The following MSI2 variants were observed in gnomAD, a reference collection of about 807,000 sequenced individuals.
MSI2 encodes RNA-binding protein Musashi homolog 2.
In MSI2, 17 loss-of-function variants were observed where a neutral mutation model predicts 45.6. The observed-to-expected ratio is 0.37, with a 90% CI of 0.26 to 0.56. The LOEUF (loss-of-function observed/expected upper bound fraction) is 0.56. Ranked by LOEUF, MSI2 falls within the 20% of genes least tolerant of loss-of-function variation. The pLI is 0.77. For synonymous variants in MSI2, 156 were observed against 158.2 expected (o/e 0.99, Z 0.11); for missense variants, 293 against 444.2 (o/e 0.66, Z 3.06).
At chr17:57,417,091 C>A (rs904103897) in intron 6 of MSI2, among the ~76,000 whole-genome samples, 1 of 152,214 alleles carries the variant, frequency 6.6e-6, no homozygotes, top group Non-Finnish European at 1.5e-5. Context: ...TGGAGCTCCT[C>A]TCCCAGGCCT....
intron 6 of MSI2, among the ~76,000 whole-genome samples, chr17:57,503,699 T>C (rs2086164998): frequency 6.6e-6 from 1 of 152,222 alleles, no homozygotes; most frequent in Non-Finnish European, 1.5e-5. Flanking sequence ...TAAGATGTGG[T>C]TCCTGTTCAC....
chr17:57,350,746 G>A (rs886515215), intron 5 of MSI2, among the ~76,000 whole-genome samples: 1 of 152,140 alleles, frequency 6.6e-6, no homozygotes, highest in Admixed American at 6.5e-5. Context: ...TCCTCCTCCT[G>A]TGCCTGCTAG....
At chr17:57,587,089 C>T (rs536044866) in intron 7 of MSI2, among the ~76,000 whole-genome samples, 3 of 152,248 alleles carry the variant, frequency 2.0e-5, no homozygotes, top group South Asian at 4.2e-4. Flanking sequence ...GCCCAGGGAT[C>T]TGCATTTTTG....
intron 5 of MSI2, among the ~76,000 whole-genome samples, chr17:57,299,315 C>T (rs1205417949): frequency 2.0e-5 from 3 of 152,232 alleles, no homozygotes; most frequent in African/African-American, 4.8e-5. Context: ...TTTTCCTTTG[C>T]ATTAACATCT....
At chr17:57,269,056 A>G (rs1420260383) in intron 5 of MSI2, among the ~76,000 whole-genome samples, 3 of 152,144 alleles carry the variant, frequency 2.0e-5, no homozygotes, top group Non-Finnish European at 2.9e-5. Context: ...TAGGAACAGC[A>G]TTTTGAGGAA....
intron 7 of MSI2, among the ~76,000 whole-genome samples, chr17:57,551,684 G>A (rs531416492): frequency 1.6e-4 from 25 of 152,110 alleles, no homozygotes; most frequent in Non-Finnish European, 3.4e-4. Context: ...TAGCTTTCAA[G>A]TGCAGGTGTT....
At chr17:57,440,437 T>TGTGTGTGA (rs1382087103) in intron 6 of MSI2, among the ~76,000 whole-genome samples, 3 of 149,566 alleles carry the variant, frequency 2.0e-5, no homozygotes, top group African/African-American at 7.4e-5. Flanking sequence ...TGTGTGTGTG[T>TGTGTGTGA]GTGTGTGTGT....
intron 13 of MSI2, 146 bp downstream of exon 13, chr17:57,677,205 G>A (rs1049457330): frequency 1.6e-5 from 10 of 616,048 alleles, no homozygotes; most frequent in Middle Eastern, 4.2e-4. Flanking sequence ...GGAGGGTGGG[G>A]GCAAAAGCAA....
chr17:57,502,696 A>G (rs754288256), intron 6 of MSI2, among the ~76,000 whole-genome samples: 2 of 143,052 alleles, frequency 1.4e-5, no homozygotes, highest in Non-Finnish European at 3.0e-5. Flanking sequence ...CTAGCATCTA[A>G]TGCTGGGTCA....
At chr17:57,640,542 C>T (rs191286894) in intron 10 of MSI2, among the ~76,000 whole-genome samples, 19 of 152,314 alleles carry the variant, frequency 1.2e-4, no homozygotes, top group Admixed American at 1.1e-3. Context: ...GAGCGCCCAA[C>T]GCCATCATCT....
At chr17:57,429,604 C>G (rs2084557480) in intron 6 of MSI2, among the ~76,000 whole-genome samples, 1 of 152,154 alleles carries the variant, frequency 6.6e-6, no homozygotes, top group African/African-American at 2.4e-5. Flanking sequence ...CCCTGCATGC[C>G]TGGACTCCCA....
chr17:57,364,382 G>A (rs1035598836), intron 5 of MSI2, among the ~76,000 whole-genome samples: 3 of 152,188 alleles, frequency 2.0e-5, no homozygotes, highest in African/African-American at 4.8e-5. Flanking sequence ...GCAGGTGGCC[G>A]AGGAACTCAA....
intron 5 of MSI2, among the ~76,000 whole-genome samples, chr17:57,305,117 G>A (rs1045433606): frequency 1.3e-5 from 2 of 152,204 alleles, no homozygotes; most frequent in Non-Finnish European, 2.9e-5. Flanking sequence ...CTTGGGAAGA[G>A]TGATAGGTGG....
intron 5 of MSI2, among the ~76,000 whole-genome samples, chr17:57,375,819 GC>G (rs1370878486): frequency 6.6e-6 from 1 of 152,072 alleles, no homozygotes; most frequent in Non-Finnish European, 1.5e-5. Context: ...AGACTCCCCT[GC>G]CCCCATCCTT....
intron 7 of MSI2, chr17:57,531,719 T>G (rs1019843594): frequency 3.3e-5 from 5 of 152,208 alleles, no homozygotes; most frequent in Non-Finnish European, 7.3e-5. Context: ...TGCTGGGGGC[T>G]CACACTGGTA....
intron 6 of MSI2, among the ~76,000 whole-genome samples, chr17:57,485,434 GA>G (rs564176760): frequency 6.6e-6 from 1 of 152,128 alleles, no homozygotes; most frequent in Non-Finnish European, 1.5e-5. Context: ...TGCGTATCTG[GA>G]AAAAAACAGA....
chr17:57,494,751 C>T (rs1411941007), intron 6 of MSI2, among the ~76,000 whole-genome samples: 2 of 152,102 alleles, frequency 1.3e-5, no homozygotes, highest in Non-Finnish European at 2.9e-5. Context: ...CCGGACCACA[C>T]ACCTGGTCTA....
chr17:57,690,956 C>T, the MSI2 span, among the ~76,000 whole-genome samples: 2 of 152,114 alleles, frequency 1.3e-5, no homozygotes, highest in African/African-American at 4.8e-5. Flanking sequence ...GTCTGTGGTC[C>T]ATTTTGAGTT....
intron 7 of MSI2, among the ~76,000 whole-genome samples, chr17:57,584,474 C>A (rs1449233128): frequency 6.6e-6 from 1 of 152,124 alleles, no homozygotes; most frequent in Non-Finnish European, 1.5e-5. Context: ...CAGGAATGAC[C>A]CCCCTGTGGG....
Sources: gnomAD v4.1 joint callset for allele counts (sites outside exome capture counted in the v4.1 genomes callset) on GRCh38, gnomAD v4.1.1 for gene constraint, MANE v1.5 for transcripts, NCBI Gene and HGNC (gene_info 2026-07-23, HGNC 2026-07-21) for gene names.